Variants in MAPK4 observed in about 807,000 individuals in gnomAD.
MAPK4 encodes the protein Erk3-related.
MAPK4 carries 22 observed loss-of-function variants against 47.7 expected under a neutral mutation model. The observed-to-expected ratio is 0.46, with a 90% confidence interval of 0.33 to 0.66. The LOEUF (loss-of-function observed/expected upper bound fraction) is 0.66, where lower values mean the gene tolerates loss of function less well. Among genes scored for constraint, MAPK4 ranks in the 30% least tolerant of loss-of-function variants. The pLI, the probability that MAPK4 is intolerant of heterozygous loss-of-function variation, is 0.02. For synonymous variants in MAPK4, 390 were observed against 365.7 expected, an observed-to-expected ratio of 1.07 and a Z score of -0.76; for missense variants, 736 against 831.7, an observed-to-expected ratio of 0.88 and a Z score of 1.42.
chr18:50,563,714 T>G (rs2042174255), intron 1 of MAPK4, among the ~76,000 whole-genome samples: 1 of 152,192 alleles, frequency 6.6e-6, no homozygotes. Flanking sequence ...AGGTGACACT[T>G]ATTTCAGTGA....
At chr18:50,646,096 C>T (rs780089459) in intron 1 of MAPK4, among the ~76,000 whole-genome samples, 6 of 152,298 alleles carry the variant, frequency 3.9e-5, no homozygotes, top group Non-Finnish European at 2.9e-5. Flanking sequence ...AGCTAACAGG[C>T]GAGGAAACTG....
In MAPK4 at chr18:50,663,916, T is replaced by C. The variant is rs558995002; in HGVS notation, c.-43T>C. ...TAGCCGAGACTTGGCCTTTCCTGAC[T>C]GCCCCTGTGTTACCTGGGCAGCTCC... is the stretch of plus-strand genomic sequence containing the variant. On this transcript the variant is annotated 5_prime_UTR_variant, in exon 2 of 6. Transcript: ENST00000400384. 3.2e-6 allele frequency: 5 copies of C among 1,553,228 alleles called. No homozygotes were observed. The South Asian group carries it at 4.8e-5, about 15-fold the overall frequency.
chr18:50,596,166 G>A (rs547889065), intron 1 of MAPK4, among the ~76,000 whole-genome samples: 11 of 152,204 alleles, frequency 7.2e-5, no homozygotes, highest in African/African-American at 2.2e-4. Flanking sequence ...ATTGTCATCC[G>A]CATTTTCTCC....
intron 1 of MAPK4, among the ~76,000 whole-genome samples, chr18:50,576,664 C>T (rs1292921428): frequency 6.6e-6 from 1 of 152,098 alleles, no homozygotes; most frequent in Non-Finnish European, 1.5e-5. Context: ...AAATTTCTAC[C>T]AACATCTAAT....
chr18:50,597,967 TG>T (rs1424183785), intron 1 of MAPK4, among the ~76,000 whole-genome samples: 1 of 152,204 alleles, frequency 6.6e-6, no homozygotes, highest in Non-Finnish European at 1.5e-5. Context: ...GAAGCTGAGC[TG>T]GGGGGAAAAA....
At chr18:50,572,266 A>G (rs956811195) in intron 1 of MAPK4, among the ~76,000 whole-genome samples, 1 of 152,228 alleles carries the variant, frequency 6.6e-6, no homozygotes, top group Non-Finnish European at 1.5e-5. Flanking sequence ...AGAGTTTTTT[A>G]CACTATGAAT....
chr18:50,647,802 G>A (rs1403289077), intron 1 of MAPK4, among the ~76,000 whole-genome samples: 1 of 152,152 alleles, frequency 6.6e-6, no homozygotes. Flanking sequence ...CATTCCACAT[G>A]TTCCTCTTAA....
chr18:50,729,319 A>C lies in MAPK4; in HGVS notation c.1229A>C (p.Glu410Ala). 1 of 1,601,556 alleles carries C rather than the reference A, an allele frequency of 6.2e-7. No individual in the cohort carries two copies. Among genetic ancestry groups the C allele is most frequent in the East Asian group, 2.3e-5 (1 of 44,416 alleles). Residue 410 changes from glutamate (E) to alanine (A), a missense_variant, in exon 6 of 6, where the codon GAG becomes GCG. This residue lies in a region of MAPK4 where 377 missense variants were observed against 378.6 expected (regional missense o/e 1.00). Transcript: ENST00000400384. Reference sequence around the variant, plus strand: ...CACAGCAGCTCCGAGCGCTTCCTAGAGCAGTCGCACTCGTCCATGGAGCGC... The same window carrying C: ...CACAGCAGCTCCGAGCGCTTCCTAGCGCAGTCGCACTCGTCCATGGAGCGC... ...DSHSSSERFL[E>A]QSHSSMERAF...
intron 1 of MAPK4, among the ~76,000 whole-genome samples, chr18:50,578,163 C>T (rs1390107428): frequency 1.3e-5 from 2 of 152,226 alleles, no homozygotes; most frequent in African/African-American, 4.8e-5. Context: ...TGTATTTCTG[C>T]ATCTGGCCCC....
intron 1 of MAPK4, among the ~76,000 whole-genome samples, chr18:50,641,895 A>G (rs2042944217): frequency 2.6e-5 from 4 of 152,228 alleles, no homozygotes. Flanking sequence ...TAACTGTTAG[A>G]AGTTCTCCTC....
chr18:50,649,889 A>G (rs1048300070), intron 1 of MAPK4, among the ~76,000 whole-genome samples: 1 of 152,166 alleles, frequency 6.6e-6, no homozygotes, highest in East Asian at 1.9e-4. Flanking sequence ...CCTGAGGTTC[A>G]TTTATCTGGA....
intron 1 of MAPK4, among the ~76,000 whole-genome samples, chr18:50,562,389 A>T (rs1224132223): frequency 6.8e-6 from 1 of 147,124 alleles, no homozygotes; most frequent in Non-Finnish European, 1.5e-5. Flanking sequence ...AGATTTTCTC[A>T]AATAAACTTC....
At chr18:50,662,782 G>A (rs372522165) in intron 1 of MAPK4, among the ~76,000 whole-genome samples, 6 of 152,220 alleles carry the variant, frequency 3.9e-5, no homozygotes, top group East Asian at 1.9e-4. Flanking sequence ...TTAATTTTCC[G>A]AAGGTCAGAA....
intron 1 of MAPK4, among the ~76,000 whole-genome samples, chr18:50,657,913 A>T (rs1433563446): frequency 1.3e-5 from 2 of 152,058 alleles, no homozygotes; most frequent in African/African-American, 4.8e-5. Flanking sequence ...GTTCGTGAGG[A>T]GGAAGCAGGA....
intron 2 of MAPK4, among the ~76,000 whole-genome samples, chr18:50,674,680 G>A (rs536443024): frequency 1.5e-3 from 226 of 152,310 alleles, no homozygotes; most frequent in African/African-American, 5.3e-3. Flanking sequence ...CCAGGGAAGA[G>A]TTAATCACAC....
At chr18:50,676,152 T>G (rs572711079) in intron 2 of MAPK4, among the ~76,000 whole-genome samples, 1 of 152,344 alleles carries the variant, frequency 6.6e-6, no homozygotes, top group African/African-American at 2.4e-5. Flanking sequence ...GTACAGGACT[T>G]TCTTTACCCT....
chr18:50,561,822 T>G (rs756224701), intron 1 of MAPK4, among the ~76,000 whole-genome samples: 2 of 152,218 alleles, frequency 1.3e-5, no homozygotes, highest in Non-Finnish European at 2.9e-5. Flanking sequence ...GGAACCTCTT[T>G]CCAATTCAGT....
At chr18:50,695,178 T>C (rs1280604636) in intron 2 of MAPK4, among the ~76,000 whole-genome samples, 1 of 151,676 alleles carries the variant, frequency 6.6e-6, no homozygotes, top group Non-Finnish European at 1.5e-5. Flanking sequence ...AAACCCCGTG[T>C]CTACTAAAAA....
At chr18:50,696,209 G>A (rs913633835) in intron 2 of MAPK4, among the ~76,000 whole-genome samples, 1 of 152,098 alleles carries the variant, frequency 6.6e-6, no homozygotes, top group Non-Finnish European at 1.5e-5. Context: ...ATCCTAGAAG[G>A]ATTCATAAAG....
Sources: gnomAD v4.1 joint callset for allele counts (sites outside exome capture counted in the v4.1 genomes callset) on GRCh38, gnomAD v4.1.1 for gene constraint, gnomAD v4.1.1 regional missense constraint, MANE v1.5 for transcripts, NCBI Gene and HGNC (gene_info 2026-07-23, HGNC 2026-07-21) for gene names.